The following MBNL2 variants were observed in gnomAD, a reference collection of about 807,000 sequenced individuals.
The protein encoded by MBNL2 is muscleblind-like protein 2.
MBNL2 carries 17 observed loss-of-function variants against 41.9 expected under a neutral mutation model. The ratio of observed to expected loss-of-function variants is 0.41; its 90% CI spans 0.28 to 0.61. MBNL2 has a LOEUF of 0.61. MBNL2 is among the 20% of genes least tolerant of loss of function. The probability of loss-of-function intolerance (pLI) is 0.35; values close to 1 mark genes in which losing one functional copy is unlikely to be tolerated. For missense variants in MBNL2, 336 were observed against 505.6 expected (o/e 0.66, Z 3.22); for synonymous variants, 195 against 182.9 (o/e 1.07, Z -0.53).
intron 8 of MBNL2, among the ~76,000 whole-genome samples, chr13:97,382,117 T>C (rs1292064019): frequency 6.6e-6 from 1 of 152,214 alleles, no homozygotes; most frequent in Admixed American, 6.5e-5. Flanking sequence ...TATTATATAT[T>C]TTTTCTTGAT....
chr13:97,243,174 C>T lies in MBNL2; in HGVS notation c.-605+20643C>T, dbSNP rs572247320. ...GAGAGAGTTGAACAAAAGACAATGT[C>T]CCTTGAACATATCAAGTTCCACTGC... is the stretch of plus-strand genomic sequence containing the variant. On this transcript the variant is annotated intron_variant, in intron 1 of 8. Coordinates refer to ENST00000679496, the MANE Select transcript of MBNL2 (RefSeq NM_001382683.1). 4.6e-5 allele frequency among the ~76,000 whole-genome samples: 7 copies of T among 152,288 alleles called. No homozygotes were observed. The South Asian group carries it at 1.2e-3, about 27-fold the overall frequency.
intron 1 of MBNL2, among the ~76,000 whole-genome samples, chr13:97,248,206 C>A (rs1428319640): frequency 6.6e-6 from 1 of 152,228 alleles, no homozygotes; most frequent in Non-Finnish European, 1.5e-5. Flanking sequence ...GATCTCGCCT[C>A]CACCTCCTGG....
intron 8 of MBNL2, among the ~76,000 whole-genome samples, chr13:97,379,453 C>T (rs1036789354): frequency 6.6e-6 from 1 of 152,130 alleles, no homozygotes; most frequent in African/African-American, 2.4e-5. Flanking sequence ...CCCCACAGAA[C>T]CTCACTTTCA....
the MBNL2 span, among the ~76,000 whole-genome samples, chr13:97,211,759 G>A: frequency 6.6e-6 from 1 of 152,152 alleles, no homozygotes; most frequent in Non-Finnish European, 1.5e-5. Context: ...AACAAAGCCA[G>A]ATGCCTTCTC....
At chr13:97,374,568 A>G (rs894951492) in intron 8 of MBNL2, among the ~76,000 whole-genome samples, 4 of 150,486 alleles carry the variant, frequency 2.7e-5, no homozygotes, top group East Asian at 2.0e-4. Flanking sequence ...TCATTTTTGT[A>G]TTTTTAGTAG....
chr13:97,360,685 T>G (rs1012004470), intron 7 of MBNL2, among the ~76,000 whole-genome samples: 20 of 152,242 alleles, frequency 1.3e-4, no homozygotes, highest in Non-Finnish European at 1.5e-5. Flanking sequence ...CACCGCAAAG[T>G]GGAACTACCC....
Position 97,311,985 on chromosome 13 carries a change from G to A in MBNL2, c.175-22291G>A, listed in dbSNP as rs950926055. Among the ~76,000 whole-genome samples, 4 of 152,036 alleles carry A rather than the reference G, an allele frequency of 2.6e-5. No homozygotes were observed. In the East Asian group the frequency reaches 5.8e-4, roughly 22 times the overall value. On this transcript the variant is annotated intron_variant, in intron 2 of 8. Transcript: ENST00000679496. ...TGAAGGAAAAGAGCTTCTACTCTTG[G>A]TGTTAACTTGAATGAAACCAACTGA...
At chr13:97,221,937 C>T (rs1408037744), upstream of MBNL2, among the ~76,000 whole-genome samples, 1 of 152,202 alleles carries the variant, frequency 6.6e-6, no homozygotes, top group Non-Finnish European at 1.5e-5. Context: ...TATACATATG[C>T]TTTGTCAGAT....
At chr13:97,240,849 C>T (rs551769163) in intron 1 of MBNL2, among the ~76,000 whole-genome samples, 2 of 152,212 alleles carry the variant, frequency 1.3e-5, no homozygotes, top group Non-Finnish European at 2.9e-5. Context: ...GAACGAGCTC[C>T]GTGATAGGCC....
upstream of MBNL2, among the ~76,000 whole-genome samples, chr13:97,220,692 T>G (rs1041834013): frequency 6.6e-6 from 1 of 152,206 alleles, no homozygotes; most frequent in African/African-American, 2.4e-5. Flanking sequence ...TTAGCATTTG[T>G]GTTTTCCAGG....
chr13:97,273,366 T>C (rs1281750247), intron 1 of MBNL2, among the ~76,000 whole-genome samples: 1 of 152,212 alleles, frequency 6.6e-6, no homozygotes. Context: ...GTAATAAAGA[T>C]ACAAGTCCAG....
intron 1 of MBNL2, among the ~76,000 whole-genome samples, chr13:97,261,911 C>A (rs773435631): frequency 2.0e-5 from 3 of 152,224 alleles, no homozygotes; most frequent in Non-Finnish European, 4.4e-5. Flanking sequence ...CCCTGTCCTT[C>A]CCCCTTCTTG....
At chr13:97,203,560 T>A in the MBNL2 span, among the ~76,000 whole-genome samples, 2 of 152,200 alleles carry the variant, frequency 1.3e-5, no homozygotes, top group African/African-American at 4.8e-5. Context: ...CGGGTAACTC[T>A]ATGCCTTGCT....
At chr13:97,261,403 A>G (rs1167131502) in intron 1 of MBNL2, among the ~76,000 whole-genome samples, 5 of 152,020 alleles carry the variant, frequency 3.3e-5, no homozygotes, top group Admixed American at 6.6e-5. Flanking sequence ...CCACCTCCTC[A>G]ACTGCCGTCA....
At position 97,241,811 on chromosome 13, in the gene MBNL2, A is replaced by C. The variant is rs111519269; in HGVS notation, c.-605+19280A>C. 2.5e-3 allele frequency among the ~76,000 whole-genome samples: 380 copies of C among 152,314 alleles called. 3 individuals are homozygous for C. Among genetic ancestry groups the C allele is most frequent in the South Asian group, 4.4e-3 (21 of 4,826 alleles). On this transcript the variant is annotated intron_variant, in intron 1 of 8. Coordinates refer to ENST00000679496, the MANE Select transcript of MBNL2 (RefSeq NM_001382683.1). ...TTAAGGTGGGAAGGAGGGAGGGGCC[A>C]TCAGAGTTAGGCGAGTTGGGTCTGA...
At chr13:97,286,517 G>A (rs145303092) in intron 2 of MBNL2, among the ~76,000 whole-genome samples, 286 of 152,280 alleles carry the variant, frequency 1.9e-3, no homozygotes, top group Non-Finnish European at 3.0e-3. Context: ...AGCACTCAGC[G>A]ATCCTTTTAA....
chr13:97,153,737 A>C, the MBNL2 span, among the ~76,000 whole-genome samples: 1 of 152,332 alleles, frequency 6.6e-6, no homozygotes, highest in East Asian at 1.9e-4. Context: ...CACTGCACCC[A>C]GCCCAGAGTC....
At chr13:97,250,748 C>T (rs2046351444) in intron 1 of MBNL2, among the ~76,000 whole-genome samples, 1 of 152,084 alleles carries the variant, frequency 6.6e-6, no homozygotes, top group Non-Finnish European at 1.5e-5. Flanking sequence ...TTTAGACAGC[C>T]TCACTTCCTG....
At chr13:97,160,684 T>A in the MBNL2 span, among the ~76,000 whole-genome samples, 1 of 152,200 alleles carries the variant, frequency 6.6e-6, no homozygotes, top group Non-Finnish European at 1.5e-5. Context: ...TTTATTGGCA[T>A]TGGCTTTTCA....
Sources: allele counts gnomAD v4.1 joint callset (sites outside exome capture counted in the v4.1 genomes callset), GRCh38; gene constraint gnomAD v4.1.1; transcripts MANE v1.5; gene names NCBI Gene and HGNC (gene_info 2026-07-23, HGNC 2026-07-21).